NPAS3: variants seen among roughly 807,000 people sequenced by gnomAD.
NPAS3 encodes neuronal PAS domain-containing protein 3.
NPAS3 carries 14 observed loss-of-function variants against 73.1 expected under a neutral mutation model. The observed-to-expected ratio is 0.19, with a 90% CI of 0.13 to 0.30. The LOEUF (loss-of-function observed/expected upper bound fraction) is 0.30, where lower values mean the gene tolerates loss of function less well. NPAS3 is among the 10% of genes least tolerant of loss of function. NPAS3 has a pLI of 1.00. For missense variants in NPAS3, 1,096 were observed against 1,250.0 expected (o/e 0.88, Z 1.86); for synonymous variants, 620 against 541.5 (o/e 1.14, Z -2.01).
intron 1 of NPAS3, among the ~76,000 whole-genome samples, chr14:33,033,891 G>A (rs2040077518): frequency 6.6e-6 from 1 of 152,158 alleles, no homozygotes; most frequent in African/African-American, 2.4e-5. Context: ...CTGGCCTTTA[G>A]CCTTTGAAGC....
intron 4 of NPAS3, among the ~76,000 whole-genome samples, chr14:33,519,470 A>G (rs902272548): frequency 1.3e-5 from 2 of 152,126 alleles, no homozygotes; most frequent in African/African-American, 4.8e-5. Context: ...GATGTCATTC[A>G]TGGGTAGAAC....
chr14:33,672,328 A>G (rs2059632787), intron 5 of NPAS3, among the ~76,000 whole-genome samples: 1 of 152,238 alleles, frequency 6.6e-6, no homozygotes, highest in South Asian at 2.1e-4. Context: ...CCATTATACT[A>G]ACATAAAAGA....
chr14:33,632,463 G>T (rs544373539), intron 5 of NPAS3, among the ~76,000 whole-genome samples: 2 of 152,290 alleles, frequency 1.3e-5, no homozygotes, highest in East Asian at 3.9e-4. Flanking sequence ...CCAAAAATGC[G>T]AATTGCTAAA....
intron 5 of NPAS3, among the ~76,000 whole-genome samples, chr14:33,641,743 T>C (rs1595345154): frequency 6.6e-6 from 1 of 152,250 alleles, no homozygotes; most frequent in Admixed American, 6.5e-5. Flanking sequence ...TCCTGACACT[T>C]CCTTTCATGA....
intron 5 of NPAS3, among the ~76,000 whole-genome samples, chr14:33,630,470 AC>A (rs1335202521): frequency 6.6e-6 from 1 of 152,212 alleles, no homozygotes; most frequent in Non-Finnish European, 1.5e-5. Flanking sequence ...TAGTAAATGA[AC>A]TTGGCAAATC....
At chr14:33,038,735 T>C (rs1325342689) in intron 1 of NPAS3, among the ~76,000 whole-genome samples, 1 of 152,198 alleles carries the variant, frequency 6.6e-6, no homozygotes, top group African/African-American at 2.4e-5. Context: ...GTTTAGATTA[T>C]ATAAACATCC....
intron 4 of NPAS3, among the ~76,000 whole-genome samples, chr14:33,388,534 A>G (rs2046867235): frequency 6.6e-6 from 1 of 152,124 alleles, no homozygotes; most frequent in African/African-American, 2.4e-5. Flanking sequence ...TGAAGGCAAG[A>G]GGAAGAACCA....
rs77223720 is a variant in NPAS3, at chr14:33,592,127, T to C, written c.558+31917T>C. Among the ~76,000 whole-genome samples the C allele has an allele frequency of 0.013, 2,036 of 152,204 alleles. 111 individuals carry two copies. The East Asian group carries it at 0.2, about 15-fold the overall frequency. On this transcript the variant is annotated intron_variant, in intron 5 of 11. Transcript: ENST00000356141. ...CTTATTCACACCCCACCCCCTCCAA[T>C]TTGATGTGGATTAAATCAGTGGTAT...
intron 3 of NPAS3, among the ~76,000 whole-genome samples, chr14:33,221,863 T>C (rs1157346751): frequency 6.6e-6 from 1 of 152,136 alleles, no homozygotes; most frequent in Admixed American, 6.6e-5. Context: ...TGTAATAACT[T>C]TTCCTCGCCT....
chr14:33,035,446 C>A (rs565733441), intron 1 of NPAS3, among the ~76,000 whole-genome samples: 2 of 152,144 alleles, frequency 1.3e-5, no homozygotes, highest in African/African-American at 4.8e-5. Flanking sequence ...GCTGTGCACA[C>A]GTCTGATCTC....
At chr14:33,693,184 T>C (rs994618022) in intron 6 of NPAS3, among the ~76,000 whole-genome samples, 2 of 152,232 alleles carry the variant, frequency 1.3e-5, no homozygotes, top group African/African-American at 4.8e-5. Flanking sequence ...TTTGTTGTTT[T>C]CGTTTTGTTT....
chr14:33,504,066 G>A lies in NPAS3; in HGVS notation c.469-56055G>A, dbSNP rs935705136. On this transcript the variant is annotated intron_variant, in intron 4 of 11. Coordinates refer to ENST00000356141, the Ensembl canonical transcript of NPAS3. ...ATTACTGACACCCACCGCACATAGG[G>A]TGTTGGCCATTGCTTCCAGAATTTT... 4.6e-5 allele frequency among the ~76,000 whole-genome samples: 7 copies of A among 152,066 alleles called. No homozygotes were observed. The South Asian group carries it at 1.2e-3, about 27-fold the overall frequency.
chr14:33,085,541 A>G (rs17459045), intron 2 of NPAS3, among the ~76,000 whole-genome samples: 9,136 of 152,274 alleles, frequency 0.06, 377 homozygotes, highest in Admixed American at 0.091. Context: ...TGATTCATTC[A>G]CAGTGGCCCC....
At chr14:32,937,500 A>G (rs2035734587), upstream of NPAS3, among the ~76,000 whole-genome samples, 1 of 152,006 alleles carries the variant, frequency 6.6e-6, no homozygotes, top group Admixed American at 6.6e-5. Context: ...CAGCCCATGT[A>G]TATCTTGTCC....
rs1489000145 is a variant in NPAS3, at chr14:32,966,649, A to G, written c.50+27283A>G. Among the ~76,000 whole-genome samples the G allele has an allele frequency of 2.6e-5, 2 of 75,722 alleles. 1 individual carries two copies. Among genetic ancestry groups the G allele is most frequent in the Non-Finnish European group, 6.0e-5 (2 of 33,134 alleles). The allele number at this position is 75,722 out of a possible 152,430, so 49.7% of individuals were successfully genotyped here. ...GCCGGGCGCGGTGGCGGGCGCCTGTAGTCCCAGCTACTGGGGAGGCTGAGG... is the reference window on the plus strand; with the variant it reads ...GCCGGGCGCGGTGGCGGGCGCCTGTGGTCCCAGCTACTGGGGAGGCTGAGG... On this transcript the variant is annotated intron_variant, in intron 1 of 11. Coordinates refer to ENST00000356141, the Ensembl canonical transcript of NPAS3.
At chr14:33,627,814 T>C (rs1285887099) in intron 5 of NPAS3, among the ~76,000 whole-genome samples, 1 of 152,258 alleles carries the variant, frequency 6.6e-6, no homozygotes, top group African/African-American at 2.4e-5. Context: ...ATGTGCTGTG[T>C]TCCACAGGAT....
chr14:33,765,085 TG>T (rs892592231), intron 7 of NPAS3, among the ~76,000 whole-genome samples: 3 of 152,056 alleles, frequency 2.0e-5, no homozygotes, highest in African/African-American at 4.8e-5. Flanking sequence ...AGGAAGCTAA[TG>T]GGGGGGCCAG....
chr14:33,344,769 T>G lies in NPAS3; in HGVS notation c.386-22417T>G, dbSNP rs146541418. Among the ~76,000 whole-genome samples the G allele has an allele frequency of 8.5e-5, 13 of 152,340 alleles. No homozygotes were observed. In the East Asian group the frequency reaches 2.5e-3, roughly 29 times the overall value. ...ATAGCGTACAGTTTCCTCACATGCC[T>G]TTTATAAGTCAGTAGGCAACTCCAT... On this transcript the variant is annotated intron_variant, in intron 3 of 11. Transcript: ENST00000356141.
intron 4 of NPAS3, among the ~76,000 whole-genome samples, chr14:33,500,254 G>A (rs1226997221): frequency 6.6e-6 from 1 of 151,850 alleles, no homozygotes; most frequent in Non-Finnish European, 1.5e-5. Flanking sequence ...GGAAGGGCGG[G>A]GTTGGGAGTT....
Sources: gnomAD v4.1 joint callset for allele counts (sites outside exome capture counted in the v4.1 genomes callset) on GRCh38, gnomAD v4.1.1 for gene constraint, MANE v1.5 for transcripts, NCBI Gene and HGNC (gene_info 2026-07-23, HGNC 2026-07-21) for gene names.